OSBPL9: variants seen among roughly 807,000 people sequenced by gnomAD.
The protein encoded by OSBPL9 is oxysterol binding protein like 9.
In OSBPL9, 40 loss-of-function variants were observed where a neutral mutation model predicts 106.6. The ratio of observed to expected loss-of-function variants is 0.38; its 90% CI spans 0.29 to 0.49. The LOEUF (loss-of-function observed/expected upper bound fraction) is 0.49. Among genes scored for constraint, OSBPL9 ranks in the 20% least tolerant of loss-of-function variants. The pLI is 0.97. For missense variants in OSBPL9, 609 were observed against 887.2 expected, an observed-to-expected ratio of 0.69 and a Z score of 3.98; for synonymous variants, 269 against 295.4, an observed-to-expected ratio of 0.91 and a Z score of 0.92.
At chr1:51,762,959 A>C (rs1450091605) in intron 11 of OSBPL9, among the ~76,000 whole-genome samples, 1 of 152,226 alleles carries the variant, frequency 6.6e-6, no homozygotes, top group Non-Finnish European at 1.5e-5. Context: ...ATAGTTAGAA[A>C]AAAGATACTT....
Position 51,592,153 on chromosome 1 carries a change from C to T in OSBPL9, c.-422-5971C>T, listed in dbSNP as rs182472288. 7.5e-3 allele frequency among the ~76,000 whole-genome samples: 896 copies of T among 119,734 alleles called. 15 individuals carry two copies. The highest frequency in any genetic ancestry group is 0.034 in the Middle Eastern group (3 of 88). 78.6% of individuals were successfully genotyped at this position (119,734 alleles called of 152,430 possible). ...TTTTTGAGACGGAGTCTCGCTCTGT[C>T]GCCCAGGCTGGAGTGCAGTGGCGCA... On this transcript the variant is annotated intron_variant, in intron 1 of 25. Transcript: ENST00000371714.
At chr1:51,523,782 T>A in the OSBPL9 span, among the ~76,000 whole-genome samples, 1 of 152,120 alleles carries the variant, frequency 6.6e-6, no homozygotes, top group East Asian at 1.9e-4. Flanking sequence ...CCAACCCCCC[T>A]CCCCAACCCA....
chr1:51,786,037 A>C (rs887162911), intron 21 of OSBPL9, 151 bp downstream of exon 21: 7 of 666,136 alleles, frequency 1.1e-5, no homozygotes, highest in South Asian at 1.0e-4. Flanking sequence ...AGTGTATGTC[A>C]TCTCTTCAGG....
At chr1:51,629,325 A>T (rs1644964239) in intron 1 of OSBPL9, among the ~76,000 whole-genome samples, 1 of 152,110 alleles carries the variant, frequency 6.6e-6, no homozygotes, top group African/African-American at 2.4e-5. Flanking sequence ...ATTTATCTTC[A>T]TCATTTTATC....
chr1:51,654,277 A>G (rs1212643479), intron 2 of OSBPL9, among the ~76,000 whole-genome samples: 3 of 152,240 alleles, frequency 2.0e-5, no homozygotes, highest in Non-Finnish European at 4.4e-5. Flanking sequence ...ATTGATGTTC[A>G]GTACCTACAC....
chr1:51,766,065 C>T, intron 12 of OSBPL9, 84 bp downstream of exon 12: 1 of 1,294,308 alleles, frequency 7.7e-7, no homozygotes, highest in Admixed American at 2.7e-5. Flanking sequence ...GTGTTAATGA[C>T]AGACTTGCCT....
chr1:51,644,664 G>A (rs190178139), intron 1 of OSBPL9, among the ~76,000 whole-genome samples: 3 of 152,222 alleles, frequency 2.0e-5, no homozygotes, highest in Admixed American at 2.0e-4. Context: ...AAAGCCAGGT[G>A]GAGATGTGCT....
At chr1:51,549,810 G>GCAACAGAGCAAGACTCTGTCTCAAAA in the OSBPL9 span, among the ~76,000 whole-genome samples, 1 of 152,212 alleles carries the variant, frequency 6.6e-6, no homozygotes, top group Non-Finnish European at 1.5e-5. Context: ...TCCAGCCTGG[G>GCAACAGAGCAAGACTCTGTCTCAAAA]CAACAGAGCA....
At chr1:51,784,086 G>T in intron 18 of OSBPL9, 61 bp downstream of exon 18, 1 of 1,481,966 alleles carries the variant, frequency 6.7e-7, no homozygotes, top group Non-Finnish European at 9.4e-7. Flanking sequence ...AAAATGGCTA[G>T]ACTAGATGTC....
chr1:51,737,972 G>A (rs1571432269), intron 4 of OSBPL9, among the ~76,000 whole-genome samples: 1 of 151,944 alleles, frequency 6.6e-6, no homozygotes, highest in Admixed American at 6.6e-5. Context: ...AGACAACCAG[G>A]CATAAACTGA....
At chr1:51,584,587 G>C (rs1645237337) in intron 1 of OSBPL9, among the ~76,000 whole-genome samples, 1 of 152,058 alleles carries the variant, frequency 6.6e-6, no homozygotes, top group Non-Finnish European at 1.5e-5. Flanking sequence ...GTTGTGGTGG[G>C]TGCCTGTAAT....
chr1:51,742,044 C>T (rs887421289), intron 4 of OSBPL9, among the ~76,000 whole-genome samples: 7 of 152,106 alleles, frequency 4.6e-5, no homozygotes, highest in East Asian at 1.9e-4. Flanking sequence ...AGAGAAATCT[C>T]GGGAGAGGAG....
intron 4 of OSBPL9, among the ~76,000 whole-genome samples, chr1:51,716,813 C>G (rs886069716): frequency 2.6e-5 from 4 of 152,112 alleles, no homozygotes; most frequent in Non-Finnish European, 5.9e-5. Context: ...TCTCAGCAAC[C>G]TACCTTTAAA....
chr1:51,582,405 G>T (rs1012937067), intron 1 of OSBPL9, among the ~76,000 whole-genome samples: 5 of 152,138 alleles, frequency 3.3e-5, no homozygotes, highest in African/African-American at 1.2e-4. Context: ...CTGGCTAACT[G>T]CAACCTCCAC....
At chr1:51,704,437 T>C (rs1385755779) in intron 3 of OSBPL9, among the ~76,000 whole-genome samples, 1 of 152,238 alleles carries the variant, frequency 6.6e-6, no homozygotes, top group Non-Finnish European at 1.5e-5. Flanking sequence ...TAGAGGTGTT[T>C]ATAGTATTCT....
intron 20 of OSBPL9, 96 bp from the exon 21 acceptor site, chr1:51,785,712 C>T: frequency 9.7e-7 from 1 of 1,032,472 alleles, no homozygotes; most frequent in Non-Finnish European, 1.5e-6. Context: ...CACAGTTGCT[C>T]TTCTGTGCTC....
intron 5 of OSBPL9, among the ~76,000 whole-genome samples, chr1:51,745,945 G>A (rs1667888567): frequency 6.6e-6 from 1 of 152,130 alleles, no homozygotes; most frequent in Non-Finnish European, 1.5e-5. Flanking sequence ...CTGTGTTTTA[G>A]TGGCTCAATT....
At chr1:51,527,033 C>T in the OSBPL9 span, among the ~76,000 whole-genome samples, 1 of 152,110 alleles carries the variant, frequency 6.6e-6, no homozygotes, top group East Asian at 1.9e-4. Flanking sequence ...CATGAGCCAT[C>T]GCGCCTGGCC....
At chr1:51,742,778 T>C (rs1321156351) in intron 4 of OSBPL9, among the ~76,000 whole-genome samples, 1 of 151,994 alleles carries the variant, frequency 6.6e-6, no homozygotes, top group African/African-American at 2.4e-5. Flanking sequence ...AGGATTAATA[T>C]GAATAAGTGT....
Sources: gnomAD v4.1 joint callset for allele counts (sites outside exome capture counted in the v4.1 genomes callset) on GRCh38, gnomAD v4.1.1 for gene constraint, MANE v1.5 for transcripts, NCBI Gene and HGNC (gene_info 2026-07-23, HGNC 2026-07-21) for gene names.